The following TMC8 variants were observed in gnomAD, a reference collection of about 807,000 sequenced individuals.
TMC8 encodes the protein transmembrane channel like 8.
Under a neutral mutation model 76.0 loss-of-function variants are expected in TMC8, and 71 were observed. The observed-to-expected ratio is 0.93, with a 90% CI of 0.77 to 1.14. TMC8 has a LOEUF of 1.14. Ranked by LOEUF, TMC8 falls within the 50% of genes most tolerant of loss-of-function variation. The pLI, the probability that TMC8 is intolerant of heterozygous loss-of-function variation, is 0.00. For synonymous variants in TMC8, 433 were observed against 433.8 expected, an observed-to-expected ratio of 1.00 and a Z score of 0.02; for missense variants, 924 against 947.9, an observed-to-expected ratio of 0.97 and a Z score of 0.33.
intron 2 of TMC8, 51 bp from the exon 3 acceptor site, chr17:78,131,831 G>A (rs896287255): frequency 1.7e-5 from 26 of 1,490,432 alleles, no homozygotes; most frequent in Non-Finnish European, 2.0e-5. Flanking sequence ...GCTTGGCCCG[G>A]GTGGGCAGGG....
intron 6 of TMC8, 123 bp downstream of exon 6, chr17:78,133,665 G>C: frequency 6.4e-7 from 1 of 1,552,544 alleles, no homozygotes; most frequent in Non-Finnish European, 8.7e-7. Flanking sequence ...GCTCCTGGGT[G>C]CTTCCTCAGC....
At chr17:78,134,680 C>T (rs2075173673) in intron 8 of TMC8, 116 bp downstream of exon 8, 3 of 1,512,320 alleles carry the variant, frequency 2.0e-6, no homozygotes, top group Non-Finnish European at 9.0e-7. Flanking sequence ...GTCGTGGCCA[C>T]AGGTCACGGC....
Position 78,132,485 on chromosome 17 carries a change from A to G in TMC8, c.425A>G (p.Asp142Gly). The G allele has an allele frequency of 6.2e-7, 1 of 1,611,044 alleles. No individual in the cohort carries two copies. Among genetic ancestry groups the G allele is most frequent in the Non-Finnish European group, 8.5e-7 (1 of 1,179,170 alleles). The part of the protein sequence containing the change: ...LLPLVWLRPP[D>G]PGPTLNLTLQ... Reference sequence around the variant, plus strand: ...CCCCTGGTCTGGCTCCGCCCCCCTGACCCAGGCCCCACCCTGAACTTGAGT... The same window carrying G: ...CCCCTGGTCTGGCTCCGCCCCCCTGGCCCAGGCCCCACCCTGAACTTGAGT... Residue 142 changes from aspartate to glycine, a missense_variant, in exon 4 of 16, where the codon GAC becomes GGC. Transcript: ENST00000318430.
chr17:78,138,208 G>A lies in TMC8; in HGVS notation c.1533+20G>A. ...AAGAAGGTGACGGCTCATGGCTGGG[G>A]GGTATGGGGTTCGTGCCTCTGGGTG... On this transcript the variant is annotated intron_variant, in intron 12 of 15. Transcript: ENST00000318430. 1.2e-6 allele frequency: 2 copies of A among 1,613,690 alleles called. No homozygotes were observed. The highest frequency in any genetic ancestry group is 1.7e-6 in the Non-Finnish European group (2 of 1,179,934).
In TMC8 at chr17:78,132,508, A is replaced by C. The variant is rs768214963; in HGVS notation, c.448A>C (p.Thr150Pro). Residue 150 changes from threonine (T) to proline (P), a missense_variant and splice_region_variant, in exon 4 of 16, where the codon ACC (threonine) becomes CCC (proline). By Grantham distance (38) the Thr-to-Pro change is conservative. Coordinates refer to ENST00000318430, the MANE Select transcript of TMC8 (RefSeq NM_152468.5). ...TGACCCAGGCCCCACCCTGAACTTG[A>C]GTGAGTGTGAGGCCCACCAGGGGAA... ...PPDPGPTLNL[T>P]LQCPGSRQSP... The C allele has an allele frequency of 9.9e-6, 16 of 1,608,456 alleles. No homozygotes were observed. In the South Asian group the frequency reaches 1.7e-4, roughly 17 times the overall value.
intron 11 of TMC8, 89 bp from the exon 12 acceptor site, chr17:78,137,916 C>T (rs978626373): frequency 1.7e-5 from 27 of 1,599,022 alleles, no homozygotes; most frequent in Non-Finnish European, 2.1e-5. Context: ...GTGTGGAGCC[C>T]GGGAGTAAGT....
At position 78,132,497 on chromosome 17, in the gene TMC8, C is replaced by T. The variant is rs772044939; in HGVS notation, c.437C>T (p.Thr146Ile). ...CTCCGCCCCCCTGACCCAGGCCCCA[C>T]CCTGAACTTGAGTGAGTGTGAGGCC... Reference protein sequence around the residue: ...VWLRPPDPGPTLNLTLQCPGS... With the variant: ...VWLRPPDPGPILNLTLQCPGS... The change falls in exon 4 of 16, where the codon ACC becomes ATC. Residue 146 changes from threonine (T) to isoleucine (I), a missense_variant. Coordinates refer to ENST00000318430, the MANE Select transcript of TMC8 (RefSeq NM_152468.5). 6.2e-7 allele frequency: 1 copy of T among 1,610,590 alleles called. No homozygotes were observed. Among genetic ancestry groups the T allele is most frequent in the East Asian group, 2.2e-5 (1 of 44,806 alleles).
intron 14 of TMC8, 55 bp downstream of exon 14, chr17:78,138,787 C>A: frequency 6.3e-7 from 1 of 1,597,218 alleles, no homozygotes. Flanking sequence ...GAGGTCCTTC[C>A]TTCCATGGGG....
chr17:78,134,644 A>C, intron 8 of TMC8, 80 bp downstream of exon 8: 1 of 1,580,424 alleles, frequency 6.3e-7, no homozygotes, highest in Non-Finnish European at 8.6e-7. Flanking sequence ...CAGATGAGGA[A>C]ACCGAGGCTC....
At chr17:78,132,336 C>T (rs1299164577) in intron 3 of TMC8, 23 bp from the exon 4 acceptor site, 2 of 1,612,120 alleles carry the variant, frequency 1.2e-6, no homozygotes, top group South Asian at 2.2e-5. Context: ...GCCTCCCTGA[C>T]CCACCCTGCT....
Position 78,138,066 on chromosome 17 carries a change from G to T in TMC8, c.1411G>T (p.Val471Phe), listed in dbSNP as rs747755714. The T allele has an allele frequency of 6.2e-6, 10 of 1,614,024 alleles. No individual in the cohort carries two copies. The highest frequency in any genetic ancestry group is 8.5e-6 in the Non-Finnish European group (10 of 1,180,006). The change falls in exon 12 of 16, where the codon GTC (valine) becomes TTC (phenylalanine). Residue 471 changes from valine to phenylalanine, a missense_variant. Physicochemically the swap from Val to Phe is conservative, Grantham distance 50. Transcript: ENST00000318430. Reference protein sequence around the residue: ...WAWLEREEFLVPKNVLDIVAG... With the variant: ...WAWLEREEFLFPKNVLDIVAG... ...CTGGCTGGAACGGGAGGAGTTCCTG[G>T]TCCCCAAGAATGTGCTGGACATCGT...
Position 78,132,770 on chromosome 17 carries a change from C to A in TMC8, c.449-18C>A. On this transcript the variant is annotated intron_variant, in intron 4 of 15. Coordinates refer to ENST00000318430, the MANE Select transcript of TMC8 (RefSeq NM_152468.5). ...GCCTTGGGGATCCCTCTCTATTGAC[C>A]CCCTTCCTCCTCAACAGCCCTCCAG... is the stretch of plus-strand genomic sequence containing the variant. 6.2e-7 allele frequency: 1 copy of A among 1,613,720 alleles called. No homozygotes were observed. Among genetic ancestry groups the A allele is most frequent in the Non-Finnish European group, 8.5e-7 (1 of 1,179,628 alleles).
In TMC8 at chr17:78,134,496, G is replaced by T. The variant is rs200537277; in HGVS notation, c.919G>T (p.Gly307Trp). 4 of 1,614,064 alleles carry T rather than the reference G, an allele frequency of 2.5e-6. No homozygotes were observed. The highest frequency in any genetic ancestry group is 4.5e-5 in the East Asian group (2 of 44,870). ...LSYLRVNVLN[G>W]LLVVGAISAI... is the part of the protein sequence containing the mutation. The stretch of plus-strand genomic sequence containing the variant: ...CTACCTGCGGGTCAACGTACTCAAC[G>T]GGCTCCTGGTGGTTGGGGCCATCAG... Residue 307 changes from glycine to tryptophan, a missense_variant, in exon 8 of 16, where the codon GGG becomes TGG. Coordinates refer to ENST00000318430, the MANE Select transcript of TMC8 (RefSeq NM_152468.5).
Position 78,138,150 on chromosome 17 carries a change from A to AAT in TMC8, c.1497_1498dup (p.Ser500IlefsTer17). ...CTACTGCCCCCTGCTGCCCCTGCTG[A>AAT]ATAGCGTCTTCCTCTTCCTCACCTT... On this transcript the variant is annotated frameshift_variant, in exon 12 of 16. Transcript: ENST00000318430. LOFTEE classifies it high-confidence loss of function. 1 of 1,613,826 alleles carries AAT rather than the reference A, an allele frequency of 6.2e-7. No individual in the cohort carries two copies. Among genetic ancestry groups the AAT allele is most frequent in the Non-Finnish European group, 8.5e-7 (1 of 1,179,972 alleles).
Position 78,137,329 on chromosome 17 carries a change from T to TCCTA in TMC8, c.1224_1227dup (p.Gly410LeufsTer7), listed in dbSNP as rs1430864483. On this transcript the variant is annotated frameshift_variant, in exon 10 of 16. Transcript: ENST00000318430. LOFTEE classifies it high-confidence loss of function. ...TGGCAGAGACAAGAGCAGCTGTGAGTCCTACGGCTACAACGTTTGTGACTA... is the reference window on the plus strand; with the variant it reads ...TGGCAGAGACAAGAGCAGCTGTGAGTCCTACCTACGGCTACAACGTTTGTGACTA... The TCCTA allele has an allele frequency of 6.2e-7, 1 of 1,613,832 alleles. No homozygotes were observed. The highest frequency in any genetic ancestry group is 8.5e-7 in the Non-Finnish European group (1 of 1,180,018).
chr17:78,131,776 G>T, intron 2 of TMC8, 39 bp downstream of exon 2: 2 of 1,556,474 alleles, frequency 1.3e-6, no homozygotes, highest in Non-Finnish European at 1.7e-6. Flanking sequence ...CGTGGGGGGG[G>T]TGCTGCGAGG....
rs2145611174 is a variant in TMC8, at chr17:78,132,844, C to A, written c.505C>A (p.Gln169Lys). The A allele has an allele frequency of 6.2e-7, 1 of 1,614,214 alleles. No homozygotes were observed. Among genetic ancestry groups the A allele is most frequent in the East Asian group, 2.2e-5 (1 of 44,890 alleles). The change falls in exon 5 of 16, where the codon CAA becomes AAA. Residue 169 changes from glutamine to lysine, a missense_variant. Physicochemically the swap from Gln to Lys is moderately conservative, Grantham distance 53. Transcript: ENST00000318430. ...SPPGVLRFHN[Q>K]LWHVLTGRAF... ...GCCTGGCGTTTTGAGGTTCCACAAT[C>A]AACTTTGGCATGTTTTGACTGGCAG...
intron 3 of TMC8, 146 bp from the exon 4 acceptor site, chr17:78,132,213 A>G (rs1260695252): frequency 1.4e-5 from 19 of 1,371,638 alleles, no homozygotes; most frequent in Non-Finnish European, 1.7e-5. Flanking sequence ...CAGCACCCCC[A>G]GGTGACTGTC....
At chr17:78,139,263 AG>A in intron 15 of TMC8, 23 bp downstream of exon 15, 2 of 1,612,170 alleles carry the variant, frequency 1.2e-6, no homozygotes, top group Non-Finnish European at 1.7e-6. Context: ...GGGGCTGGTG[AG>A]GGGACAGCAG....
Sources: gnomAD v4.1 joint callset for allele counts on GRCh38, gnomAD v4.1.1 for gene constraint, MANE v1.5 for transcripts, NCBI Gene and HGNC (gene_info 2026-07-23, HGNC 2026-07-21) for gene names.